ZNF804B: variants seen among roughly 807,000 people sequenced by gnomAD.
The protein encoded by ZNF804B is zinc finger protein 804B, also known as zinc finger 804B.
A neutral mutation model predicts 101.4 loss-of-function variants in ZNF804B; 80 were observed. The observed-to-expected ratio is 0.79, with a 90% CI of 0.66 to 0.95. ZNF804B has a LOEUF of 0.95. ZNF804B is among the 40% of genes least tolerant of loss of function. The pLI is 0.00. For missense variants in ZNF804B, 1,673 were observed against 1,561.9 expected (o/e 1.07, Z -1.20); for synonymous variants, 622 against 558.8 (o/e 1.11, Z -1.59).
At chr7:88,950,517 A>G (rs906525900) in intron 1 of ZNF804B, among the ~76,000 whole-genome samples, 3 of 151,926 alleles carry the variant, frequency 2.0e-5, no homozygotes, top group Non-Finnish European at 4.4e-5. Flanking sequence ...TGGCTGATAT[A>G]GACTGTACCT....
chr7:88,875,507 T>C (rs1347730122), intron 1 of ZNF804B, among the ~76,000 whole-genome samples: 1 of 152,032 alleles, frequency 6.6e-6, no homozygotes, highest in Non-Finnish European at 1.5e-5. Flanking sequence ...AAATACAAAC[T>C]ACCATCAGAG....
chr7:88,813,301 C>T (rs561951132), intron 1 of ZNF804B, among the ~76,000 whole-genome samples: 1 of 151,556 alleles, frequency 6.6e-6, no homozygotes, highest in Non-Finnish European at 1.5e-5. Context: ...GTGGCGGGCG[C>T]ATGTAGTCCC....
At chr7:88,817,946 T>A (rs1016662160) in intron 1 of ZNF804B, among the ~76,000 whole-genome samples, 1 of 152,202 alleles carries the variant, frequency 6.6e-6, no homozygotes, top group Non-Finnish European at 1.5e-5. Context: ...TAACCTATAA[T>A]CTGCAGCCCA....
In ZNF804B at chr7:89,257,520, A is replaced by T. The variant is rs528387960; in HGVS notation, c.249+39225A>T. ...GTTTACATGAAATTATGCTAATAGT[A>T]ATGTCCTTTACATATAAAAGGAGTC... On this transcript the variant is annotated intron_variant, in intron 2 of 3. Transcript: ENST00000333190. 1.1e-4 allele frequency among the ~76,000 whole-genome samples: 16 copies of T among 152,266 alleles called. No homozygotes were observed. The South Asian group carries it at 3.3e-3, about 32-fold the overall frequency.
At chr7:88,788,622 A>G (rs1790336919) in intron 1 of ZNF804B, among the ~76,000 whole-genome samples, 1 of 152,160 alleles carries the variant, frequency 6.6e-6, no homozygotes, top group Non-Finnish European at 1.5e-5. Context: ...CACTGGAAAC[A>G]CTGGCCTTGT....
At chr7:89,184,613 T>C (rs960913185) in intron 1 of ZNF804B, among the ~76,000 whole-genome samples, 2 of 152,200 alleles carry the variant, frequency 1.3e-5, no homozygotes, top group Admixed American at 1.3e-4. Context: ...CTCATAATTC[T>C]CTCCCTTTAC....
intron 1 of ZNF804B, among the ~76,000 whole-genome samples, chr7:89,186,631 C>CT (rs952759554): frequency 1.3e-5 from 2 of 150,808 alleles, no homozygotes; most frequent in Non-Finnish European, 3.0e-5. Context: ...TTACAATCTT[C>CT]TTTTGTATAT....
intron 1 of ZNF804B, among the ~76,000 whole-genome samples, chr7:89,029,042 T>A (rs1418786048): frequency 6.6e-6 from 1 of 152,208 alleles, no homozygotes; most frequent in African/African-American, 2.4e-5. Context: ...CCAGCACACA[T>A]AAGTGCTTAT....
At chr7:89,021,412 G>A (rs1788665331) in intron 1 of ZNF804B, among the ~76,000 whole-genome samples, 1 of 152,126 alleles carries the variant, frequency 6.6e-6, no homozygotes, top group Non-Finnish European at 1.5e-5. Flanking sequence ...GGTTACTCTG[G>A]CTAGGGCCAC....
intron 1 of ZNF804B, among the ~76,000 whole-genome samples, chr7:89,077,036 G>T (rs1238344938): frequency 7.3e-6 from 1 of 136,418 alleles, no homozygotes; most frequent in Admixed American, 7.3e-5. Flanking sequence ...GAGCATATAT[G>T]TGGAGACTGA....
chr7:88,836,971 A>G (rs1791222619), intron 1 of ZNF804B, among the ~76,000 whole-genome samples: 2 of 152,070 alleles, frequency 1.3e-5, no homozygotes, highest in Admixed American at 6.6e-5. Context: ...GGGAGGGCAA[A>G]ACTATTTTCT....
At chr7:88,947,443 C>T (rs1433161209) in intron 1 of ZNF804B, among the ~76,000 whole-genome samples, 3 of 151,756 alleles carry the variant, frequency 2.0e-5, no homozygotes, top group Non-Finnish European at 4.4e-5. Flanking sequence ...CATGTTCTCA[C>T]TCATAAGTGG....
chr7:89,005,013 A>G (rs1788351751), intron 1 of ZNF804B, among the ~76,000 whole-genome samples: 1 of 151,962 alleles, frequency 6.6e-6, no homozygotes, highest in South Asian at 2.1e-4. Context: ...TTGGATTATT[A>G]AAGTACCATT....
rs559453181 is a variant in ZNF804B, at chr7:88,763,775, A to G, written c.108+3691A>G. 2.8e-4 allele frequency among the ~76,000 whole-genome samples: 42 copies of G among 152,228 alleles called. 1 individual carries two copies. The South Asian group carries it at 8.7e-3, about 32-fold the overall frequency. On this transcript the variant is annotated intron_variant, in intron 1 of 3. Coordinates refer to ENST00000333190, the MANE Select transcript of ZNF804B (RefSeq NM_181646.5). ...GACAGAAAAATAGATAGATAGATAG[A>G]TAGATAGATACACATTGCTATCTGT... is the stretch of plus-strand genomic sequence containing the variant.
intron 1 of ZNF804B, among the ~76,000 whole-genome samples, chr7:89,010,640 T>C (rs1788442111): frequency 6.6e-6 from 1 of 152,190 alleles, no homozygotes; most frequent in Admixed American, 6.5e-5. Flanking sequence ...TCTTTCTGTA[T>C]TATTTACTTT....
At chr7:89,223,360 A>G (rs1789034503) in intron 2 of ZNF804B, among the ~76,000 whole-genome samples, 1 of 151,886 alleles carries the variant, frequency 6.6e-6, no homozygotes, top group African/African-American at 2.4e-5. Flanking sequence ...TCCTTCATTC[A>G]TGTATAATTA....
At chr7:89,135,690 A>T (rs1790623335) in intron 1 of ZNF804B, among the ~76,000 whole-genome samples, 1 of 152,082 alleles carries the variant, frequency 6.6e-6, no homozygotes, top group Admixed American at 6.6e-5. Flanking sequence ...TTTATCATCT[A>T]ATTTTCATTT....
chr7:89,170,402 C>A (rs1187538350), intron 1 of ZNF804B, among the ~76,000 whole-genome samples: 1 of 152,172 alleles, frequency 6.6e-6, no homozygotes, highest in Non-Finnish European at 1.5e-5. Flanking sequence ...AAATGACAAA[C>A]TGCTTCTAGA....
chr7:89,194,446 A>G (rs1172691266), intron 1 of ZNF804B, among the ~76,000 whole-genome samples: 9 of 150,932 alleles, frequency 6.0e-5, no homozygotes, highest in East Asian at 3.9e-4. Flanking sequence ...ATGATTTTAG[A>G]TCTAACATTT....
Sources: gnomAD v4.1 joint callset for allele counts (sites outside exome capture counted in the v4.1 genomes callset) on GRCh38, gnomAD v4.1.1 for gene constraint, MANE v1.5 for transcripts, NCBI Gene and HGNC (gene_info 2026-07-23, HGNC 2026-07-21) for gene names.